The following SIPA1L1 variants were observed in gnomAD, a reference collection of about 807,000 sequenced individuals.
SIPA1L1 encodes the protein signal induced proliferation associated 1 like 1.
SIPA1L1 carries 26 observed loss-of-function variants against 162.7 expected under a neutral mutation model. The observed-to-expected ratio is 0.16, with a 90% CI of 0.12 to 0.22. SIPA1L1 has a LOEUF of 0.22. Among genes scored for constraint, SIPA1L1 ranks in the 10% least tolerant of loss-of-function variants. SIPA1L1 has a pLI of 1.00. For missense variants in SIPA1L1, 1,874 were observed against 2,241.0 expected (o/e 0.84, Z 3.31); for synonymous variants, 829 against 837.4 (o/e 0.99, Z 0.17).
At chr14:71,449,416 C>T (rs1408087353) in intron 2 of SIPA1L1, among the ~76,000 whole-genome samples, 1 of 152,112 alleles carries the variant, frequency 6.6e-6, no homozygotes, top group Non-Finnish European at 1.5e-5. Flanking sequence ...AGAATTCTAC[C>T]TGGTGAGTAA....
intron 12 of SIPA1L1, among the ~76,000 whole-genome samples, chr14:71,673,942 A>T (rs4902942): frequency 0.84 from 127,507 of 152,226 alleles, 54,005 homozygotes; most frequent in African/African-American, 0.95. Context: ...TTTAAAAAAT[A>T]ATGTGAGGTG....
intron 2 of SIPA1L1, among the ~76,000 whole-genome samples, chr14:71,341,873 A>C (rs554090200): frequency 6.6e-6 from 1 of 152,250 alleles, no homozygotes; most frequent in East Asian, 1.9e-4. Context: ...TCTGTGGTGT[A>C]TATGTACCAT....
At chr14:71,447,080 T>TA (rs757549391) in intron 2 of SIPA1L1, among the ~76,000 whole-genome samples, 9 of 150,660 alleles carry the variant, frequency 6.0e-5, no homozygotes, top group Non-Finnish European at 1.0e-4. Context: ...CTCAGCTAAT[T>TA]ACATTTTTTT....
At chr14:71,633,254 G>A (rs1036509103) in intron 7 of SIPA1L1, among the ~76,000 whole-genome samples, 14 of 152,110 alleles carry the variant, frequency 9.2e-5, no homozygotes, top group Admixed American at 2.0e-4. Context: ...TCCACCCTCC[G>A]GGTTCAAGCG....
chr14:71,389,944 A>G (rs765691435), intron 2 of SIPA1L1, among the ~76,000 whole-genome samples: 1 of 152,198 alleles, frequency 6.6e-6, no homozygotes, highest in Non-Finnish European at 1.5e-5. Flanking sequence ...TATTACCTGT[A>G]AATATAAGTC....
chr14:71,554,607 A>G (rs1049863156), intron 4 of SIPA1L1, among the ~76,000 whole-genome samples: 2 of 152,128 alleles, frequency 1.3e-5, no homozygotes, highest in East Asian at 1.9e-4. Flanking sequence ...GTTAACTTCT[A>G]TATTGATAAG....
intron 7 of SIPA1L1, among the ~76,000 whole-genome samples, chr14:71,625,324 A>G (rs2039863821): frequency 6.9e-6 from 1 of 144,978 alleles, no homozygotes; most frequent in Non-Finnish European, 1.5e-5. Flanking sequence ...TTTTCTGGAG[A>G]CAGTTTCACT....
intron 14 of SIPA1L1, among the ~76,000 whole-genome samples, chr14:71,700,048 A>G (rs550625057): frequency 7.9e-4 from 120 of 152,322 alleles, no homozygotes; most frequent in Non-Finnish European, 1.5e-3. Flanking sequence ...TATCCCTTAT[A>G]CTCTGGCATA....
chr14:71,689,545 G>T (rs1022873975), intron 13 of SIPA1L1, among the ~76,000 whole-genome samples: 7 of 152,212 alleles, frequency 4.6e-5, no homozygotes, highest in African/African-American at 1.7e-4. Flanking sequence ...TGCGGGATCA[G>T]CAATAAAACC....
intron 2 of SIPA1L1, among the ~76,000 whole-genome samples, chr14:71,381,857 C>G (rs2039932295): frequency 6.6e-6 from 1 of 152,094 alleles, no homozygotes; most frequent in East Asian, 1.9e-4. Flanking sequence ...ATGCCTAATT[C>G]CTTTTTGAAT....
Position 71,588,387 on chromosome 14 carries a change from A to G in SIPA1L1, c.515A>G (p.Gln172Arg). The change falls in exon 5 of 24, where the codon CAG becomes CGG. Residue 172 changes from glutamine (Q) to arginine (R), a missense_variant. Coordinates refer to ENST00000381232, the MANE Select transcript of SIPA1L1 (RefSeq NM_001386936.1). The surrounding 1 kb of genome is among the most constrained non-coding windows in gnomAD (Gnocchi z 4.3). ...SPRKALRRIRQRSNSDITISE... is the reference protein window; with the variant it reads ...SPRKALRRIRRRSNSDITISE... The stretch of plus-strand genomic sequence containing the variant: ...AGAAAAGCTCTTCGCAGAATACGCC[A>G]GCGAAGCAACAGTGATATCACCATA... The G allele has an allele frequency of 6.2e-7, 1 of 1,614,080 alleles. No individual in the cohort carries two copies. Among genetic ancestry groups the G allele is most frequent in the Non-Finnish European group, 8.5e-7 (1 of 1,179,988 alleles).
intron 2 of SIPA1L1, among the ~76,000 whole-genome samples, chr14:71,511,502 T>C (rs904951158): frequency 2.0e-5 from 3 of 152,098 alleles, no homozygotes; most frequent in African/African-American, 7.2e-5. Context: ...TTGCCCAGGC[T>C]GATCTTGAAC....
At chr14:71,604,045 A>G (rs906829491) in intron 5 of SIPA1L1, among the ~76,000 whole-genome samples, 23 of 145,826 alleles carry the variant, frequency 1.6e-4, no homozygotes, top group Non-Finnish European at 3.0e-5. Flanking sequence ...CAACCAGACT[A>G]GAGTGTAGAG....
rs1000676082 is a variant in SIPA1L1, at chr14:71,430,263, G to C, written c.-464-82480G>C. Among the ~76,000 whole-genome samples, 5 of 151,568 alleles carry C rather than the reference G, an allele frequency of 3.3e-5. No homozygotes were observed. In the East Asian group the frequency reaches 9.6e-4, roughly 29 times the overall value. ...TTATTCTTTTCCTTTTTTTTTGCATGGTTGTCTGGTATGATGGGGAATATT... is the reference window on the plus strand; with the variant it reads ...TTATTCTTTTCCTTTTTTTTTGCATCGTTGTCTGGTATGATGGGGAATATT... On this transcript the variant is annotated intron_variant, in intron 2 of 23. Transcript: ENST00000381232.
chr14:71,358,533 TC>T (rs2037495511), intron 2 of SIPA1L1, among the ~76,000 whole-genome samples: 1 of 152,120 alleles, frequency 6.6e-6, no homozygotes. Context: ...TTGTAGTGAG[TC>T]TTACCCTGAC....
chr14:71,407,507 CTTCCCTCCT>C (rs1383272688), intron 2 of SIPA1L1, among the ~76,000 whole-genome samples: 2 of 148,048 alleles, frequency 1.4e-5, no homozygotes, highest in East Asian at 3.9e-4. Context: ...CCTTCCCTCC[CTTCCCTCCT>C]TTCCCTCCCT....
chr14:71,365,732 T>A (rs1220778623), intron 2 of SIPA1L1, among the ~76,000 whole-genome samples: 1 of 145,306 alleles, frequency 6.9e-6, no homozygotes, highest in Admixed American at 6.8e-5. Flanking sequence ...TATTAAGTAT[T>A]TTTTTTTTTT....
At chr14:71,680,872 A>C (rs1237029349) in intron 12 of SIPA1L1, among the ~76,000 whole-genome samples, 1 of 152,148 alleles carries the variant, frequency 6.6e-6, no homozygotes, top group Admixed American at 6.5e-5. Context: ...GTCATGGGCC[A>C]GGGTTGTCTT....
At chr14:71,670,953 G>GA (rs1310625401) in intron 10 of SIPA1L1, among the ~76,000 whole-genome samples, 166 bp from the exon 11 acceptor site, 1 of 152,146 alleles carries the variant, frequency 6.6e-6, no homozygotes, top group East Asian at 1.9e-4. Flanking sequence ...GCGGTAGAAT[G>GA]AAAAAATATA....
Sources: gnomAD v4.1 joint callset for allele counts (sites outside exome capture counted in the v4.1 genomes callset) on GRCh38, gnomAD v4.1.1 for gene constraint, Gnocchi (gnomAD v3.1) non-coding constraint, MANE v1.5 for transcripts, NCBI Gene and HGNC (gene_info 2026-07-23, HGNC 2026-07-21) for gene names.